The following GRIPAP1 variants were observed in gnomAD, a reference collection of about 807,000 sequenced individuals.
The protein encoded by GRIPAP1 is GRIP1 associated protein 1, also known as GRIP1-associated protein 1.
Under a neutral mutation model 84.1 loss-of-function variants are expected in GRIPAP1, and 14 were observed. The ratio of observed to expected loss-of-function variants is 0.17; its 90% CI spans 0.11 to 0.26. The LOEUF (loss-of-function observed/expected upper bound fraction) is 0.26. Among genes scored for constraint, GRIPAP1 ranks in the 10% least tolerant of loss-of-function variants. The probability of loss-of-function intolerance (pLI) is 1.00; values close to 1 mark genes in which losing one functional copy is unlikely to be tolerated. For synonymous variants in GRIPAP1, 261 were observed against 256.8 expected (o/e 1.02, Z -0.15); for missense variants, 518 against 674.2 (o/e 0.77, Z 2.57).
At chrX:48,989,009 C>T (rs2064506649) in intron 11 of GRIPAP1, among the ~76,000 whole-genome samples, 1 of 111,365 alleles carries the variant, frequency 9.0e-6, no homozygotes, top group African/African-American at 3.3e-5. Flanking sequence ...TCTGCTCCAG[C>T]CCCTGGAGGT....
At chrX:49,001,923 C>T (rs1030087527) in intron 1 of GRIPAP1, among the ~76,000 whole-genome samples, 1 of 110,900 alleles carries the variant, frequency 9.0e-6, no homozygotes, top group Non-Finnish European at 1.9e-5. Flanking sequence ...CCAAAAGTCT[C>T]GTCCCCTCCA....
chrX:48,976,394 C>T (rs782789380), intron 22 of GRIPAP1, 31 bp from the exon 23 acceptor site: 71 of 1,179,809 alleles, frequency 6.0e-5, no homozygotes, highest in Admixed American at 1.4e-4. Context: ...GAGGCCAGCC[C>T]CGGGCTCAGC....
chrX:48,993,534 C>A lies in GRIPAP1; in HGVS notation c.351G>T (p.Leu117=). ...MEQLEQENQQ[L]KEGAAGAGVA... ...CCCCTGCTCCTGCAGCCCCCTCCTT[C>A]AGTTGCTGGTTCTCTTGCTCCAGCT... Residue 117 remains leucine, a synonymous_variant, in exon 6 of 26, where the codon CTG becomes CTT. Coordinates refer to ENST00000376423, the MANE Select transcript of GRIPAP1 (RefSeq NM_020137.5). 1 of 1,184,793 alleles carries A rather than the reference C, an allele frequency of 8.4e-7. No individual in the cohort carries two copies. Among genetic ancestry groups the A allele is most frequent in the Non-Finnish European group, 1.1e-6 (1 of 880,967 alleles).
chrX:48,989,164 A>G (rs782755239), intron 11 of GRIPAP1, among the ~76,000 whole-genome samples: 307 of 110,851 alleles, frequency 2.8e-3, no homozygotes, highest in African/African-American at 9.5e-3. Context: ...AGCCCCAACT[A>G]TCTCACCCTT....
intron 23 of GRIPAP1, 29 bp from the exon 24 acceptor site, chrX:48,976,140 C>T (rs782531353): frequency 8.3e-7 from 1 of 1,205,659 alleles, no homozygotes; most frequent in Non-Finnish European, 1.1e-6. Flanking sequence ...CACCTGAGAC[C>T]CCTCTACTGT....
intron 13 of GRIPAP1, 140 bp from the exon 14 acceptor site, chrX:48,985,542 A>T (rs1417030972): frequency 8.3e-6 from 4 of 481,405 alleles, no homozygotes; most frequent in Non-Finnish European, 1.4e-5. Context: ...TCAAACAGAA[A>T]AACAATGAAG....
intron 13 of GRIPAP1, among the ~76,000 whole-genome samples, chrX:48,987,442 CTTTTTTTTTTT>C (rs782089098): frequency 1.2e-5 from 1 of 83,183 alleles, no homozygotes; most frequent in Non-Finnish European, 2.4e-5. Flanking sequence ...CCACCACGCC[CTTTTTTTTTTT>C]TTTTTTTTTT....
In GRIPAP1 at chrX:48,983,418, A is replaced by T. The variant is rs1557062812; in HGVS notation, c.1295T>A (p.Met432Lys). 7.4e-6 allele frequency: 9 copies of T among 1,209,157 alleles called. No individual in the cohort carries two copies. The highest frequency in any genetic ancestry group is 1.0e-5 in the Non-Finnish European group (9 of 894,425). Residue 432 changes from methionine (M) to lysine (K), a missense_variant, in exon 16 of 26, where the codon ATG (methionine) becomes AAG (lysine). Physicochemically the swap from Met to Lys is moderately conservative, Grantham distance 95. This residue lies in a region of GRIPAP1 where 372 missense variants were observed against 458.1 expected (regional missense o/e 0.81). Transcript: ENST00000376423. ...ARKSAEKRKAMLDELAMETLQ... is the reference protein window; with the variant it reads ...ARKSAEKRKAKLDELAMETLQ... ...CGTTTCCATTGCTAGCTCATCCAGC[A>T]TGGCCTTCCGCTTCTCCGCACTCTG...
intron 14 of GRIPAP1, among the ~76,000 whole-genome samples, chrX:48,984,334 C>T (rs1445294439): frequency 9.0e-6 from 1 of 111,220 alleles, no homozygotes; most frequent in African/African-American, 3.3e-5. Flanking sequence ...GGAGAAAGAA[C>T]CTGGGTCACA....
intron 17 of GRIPAP1, among the ~76,000 whole-genome samples, chrX:48,982,215 G>A (rs781874028): frequency 9.8e-5 from 11 of 111,887 alleles, no homozygotes; most frequent in African/African-American, 3.2e-4. Flanking sequence ...TACCATTGAT[G>A]AAAACAGGCC....
chrX:48,980,863 A>C, intron 21 of GRIPAP1: 1 of 202,526 alleles, frequency 4.9e-6, no homozygotes. Flanking sequence ...AGCCTGGGCA[A>C]CAAGAGCGAA....
chrX:48,999,111 G>T, intron 3 of GRIPAP1, 127 bp downstream of exon 3: 1 of 436,083 alleles, frequency 2.3e-6, no homozygotes, highest in Non-Finnish European at 4.0e-6. Flanking sequence ...TCCTTTAAAT[G>T]ACTACGTGAA....
At position 48,978,282 on chromosome X, in the gene GRIPAP1, G is replaced by A. The variant is rs146761465; in HGVS notation, c.2061+23C>T. ...TTTTGGGTTGAGAGAAGCTGGAGCT[G>A]TAGGTTCTTCCTTTCCCCTTACCCT... On this transcript the variant is annotated intron_variant, in intron 22 of 25. Transcript: ENST00000376423. 1.4e-5 allele frequency: 17 copies of A among 1,205,520 alleles called. No individual in the cohort carries two copies. The African/African-American group carries it at 2.6e-4, about 19-fold the overall frequency.
At chrX:48,991,133 A>G in intron 6 of GRIPAP1, 23 bp from the exon 7 acceptor site, 1 of 1,092,018 alleles carries the variant, frequency 9.2e-7, no homozygotes, top group Non-Finnish European at 1.3e-6. Flanking sequence ...ACAGGGATAT[A>G]TGATGGATGA....
chrX:48,997,519 A>G (rs2064554078), intron 4 of GRIPAP1, 162 bp from the exon 5 acceptor site: 2 of 440,348 alleles, frequency 4.5e-6, no homozygotes, highest in Non-Finnish European at 8.0e-6. Flanking sequence ...GGATAAAATG[A>G]GAGACAGGGA....
In GRIPAP1 at chrX:48,981,783, TGCGAGAG is replaced by T. The variant is rs1557062307; in HGVS notation, c.1677+5_1677+11del. ...CTGTCTGGAGAGAGGAACACCATCA[TGCGAGAG>T]GCACCTTCAGCTCGGCAGCGTGCTG... On this transcript the variant is annotated splice_donor_5th_base_variant and intron_variant, in intron 18 of 25. Transcript: ENST00000376423. 1 of 1,178,060 alleles carries T rather than the reference TGCGAGAG, an allele frequency of 8.5e-7. No individual in the cohort carries two copies. The highest frequency in any genetic ancestry group is 1.8e-5 in the South Asian group (1 of 54,497).
At chrX:48,996,354 C>T (rs1301580599) in intron 5 of GRIPAP1, among the ~76,000 whole-genome samples, 1 of 112,095 alleles carries the variant, frequency 8.9e-6, no homozygotes, top group Non-Finnish European at 1.9e-5. Context: ...GCCTTTAATC[C>T]CAACACTTTG....
chrX:48,983,497 C>T (rs1467015346), intron 15 of GRIPAP1, 57 bp from the exon 16 acceptor site: 1 of 1,002,801 alleles, frequency 1.0e-6, no homozygotes, highest in Non-Finnish European at 1.4e-6. Context: ...AAAAGGCCTC[C>T]AACCCTCTTC....
intron 13 of GRIPAP1, 118 bp downstream of exon 13, chrX:48,987,667 G>A (rs1373543060): frequency 1.0e-5 from 5 of 482,325 alleles, no homozygotes; most frequent in African/African-American, 2.5e-5. Flanking sequence ...AGGAGCAACA[G>A]AAACAAAGAC....
Sources: gnomAD v4.1 joint callset for allele counts (sites outside exome capture counted in the v4.1 genomes callset) on GRCh38, gnomAD v4.1.1 for gene constraint, gnomAD v4.1.1 regional missense constraint, MANE v1.5 for transcripts, NCBI Gene and HGNC (gene_info 2026-07-23, HGNC 2026-07-21) for gene names.